BTC: variants seen among roughly 807,000 people sequenced by gnomAD.
BTC encodes the protein probetacellulin.
In BTC, 13 loss-of-function variants were observed where a neutral mutation model predicts 18.1. That is an observed-to-expected ratio of 0.72 (90% CI 0.47 to 1.14). The LOEUF (loss-of-function observed/expected upper bound fraction) is 1.14, where lower values mean the gene tolerates loss of function less well. Ranked by LOEUF, BTC falls within the 50% of genes most tolerant of loss-of-function variation. The pLI is 0.00. For missense variants in BTC, 247 were observed against 224.2 expected, an observed-to-expected ratio of 1.10 and a Z score of -0.65; for synonymous variants, 83 against 79.4, an observed-to-expected ratio of 1.05 and a Z score of -0.24.
intron 2 of BTC, among the ~76,000 whole-genome samples, chr4:74,761,763 C>T (rs1724763390): frequency 6.6e-6 from 1 of 152,200 alleles, no homozygotes; most frequent in South Asian, 2.1e-4. Context: ...AGCCCAGTAG[C>T]ATCTCAGACT....
chr4:74,762,510 A>C (rs1553957422), intron 2 of BTC, among the ~76,000 whole-genome samples: 2 of 152,308 alleles, frequency 1.3e-5, no homozygotes, highest in Non-Finnish European at 2.9e-5. Flanking sequence ...TTAAAAGTGT[A>C]CTTGTTGATG....
intron 1 of BTC, among the ~76,000 whole-genome samples, chr4:74,781,398 T>TGTGTGTGTGC (rs1553959007): frequency 1.2e-3 from 179 of 151,698 alleles, no homozygotes; most frequent in African/African-American, 3.1e-3. Context: ...TGTGTGTGTG[T>TGTGTGTGTGC]GTGTGTGTGT....
chr4:74,752,706 G>A (rs568302567), intron 3 of BTC, among the ~76,000 whole-genome samples: 1 of 152,072 alleles, frequency 6.6e-6, no homozygotes, highest in African/African-American at 2.4e-5. Context: ...GCATGTATAC[G>A]AGGGAGATTT....
chr4:74,748,203 A>G, intron 4 of BTC, 54 bp from the exon 5 acceptor site: 1 of 1,065,040 alleles, frequency 9.4e-7, no homozygotes, highest in Non-Finnish European at 1.4e-6. Flanking sequence ...ATGCGAACAC[A>G]AAATTATCCA....
intron 3 of BTC, among the ~76,000 whole-genome samples, chr4:74,752,921 G>C (rs1724503651): frequency 6.6e-6 from 1 of 152,106 alleles, no homozygotes; most frequent in African/African-American, 2.4e-5. Context: ...TGCTTTAATT[G>C]AATTTCTCAG....
At chr4:74,755,140 A>T (rs1169771527) in intron 3 of BTC, among the ~76,000 whole-genome samples, 1 of 152,186 alleles carries the variant, frequency 6.6e-6, no homozygotes, top group Non-Finnish European at 1.5e-5. Flanking sequence ...ATACTTATGG[A>T]AAGAAAACTT....
At chr4:74,767,149 C>T (rs1256317137) in intron 2 of BTC, among the ~76,000 whole-genome samples, 1 of 151,158 alleles carries the variant, frequency 6.6e-6, no homozygotes, top group Non-Finnish European at 1.5e-5. Flanking sequence ...TTGAAGATGA[C>T]ATGATCCTAT....
At chr4:74,770,253 TAAC>T in intron 1 of BTC, 97 bp from the exon 2 acceptor site, 2 of 951,070 alleles carry the variant, frequency 2.1e-6, no homozygotes, top group African/African-American at 3.3e-5. Flanking sequence ...TTTATGAAAA[TAAC>T]AAGACTATGG....
At chr4:74,766,279 C>A (rs958331719) in intron 2 of BTC, among the ~76,000 whole-genome samples, 6 of 151,818 alleles carry the variant, frequency 4.0e-5, no homozygotes, top group Non-Finnish European at 5.9e-5. Flanking sequence ...TAAAAAAATT[C>A]TTTCTTCAAT....
intron 1 of BTC, among the ~76,000 whole-genome samples, chr4:74,793,799 G>A (rs529714805): frequency 0.017 from 2,630 of 152,234 alleles, 79 homozygotes; most frequent in African/African-American, 0.061. Flanking sequence ...AAGAGTTCCC[G>A]TTCTTCTGCC....
rs58161995 is a variant in BTC at position 74,791,348 on chromosome 4, A to AAAAAAGAAAAAAG, written c.64+2913_64+2914insCTTTTTTCTTTTT. On this transcript the variant is annotated intron_variant, in intron 1 of 5. Coordinates refer to ENST00000395743, the MANE Select transcript of BTC (RefSeq NM_001729.4). ...AAGAGTGAGACTGTCTCAAAAAAAG[A>AAAAAAGAAAAAAG]AAAAAGAAAAAGAAAAAGAAAAAGA... Among the ~76,000 whole-genome samples, 499 of 151,640 alleles carry AAAAAAGAAAAAAG rather than the reference A, an allele frequency of 3.3e-3. 1 individual carries two copies. Among genetic ancestry groups the AAAAAAGAAAAAAG allele is most frequent in the African/African-American group, 0.012 (473 of 41,108 alleles).
Position 74,746,098 on chromosome 4 carries a change from C to CA in BTC, c.*578dup, listed in dbSNP as rs2109872675. ...GTTAGGTTGCACCGATTCAGACTAA[C>CA]AAAAATGATGGTTAAGAGCATAGAT... On this transcript the variant is annotated 3_prime_UTR_variant, in exon 6 of 6. Transcript: ENST00000395743. 1 of 152,262 alleles carries CA rather than the reference C, an allele frequency of 6.6e-6. No homozygotes were observed. The highest frequency in any genetic ancestry group is 2.4e-5 in the African/African-American group (1 of 41,564). 9.4% of individuals were successfully genotyped at this position (152,262 alleles called of 1,614,324 possible).
In BTC at chr4:74,753,344, C is replaced by T. The variant is rs560431137; in HGVS notation, c.281+2515G>A. Among the ~76,000 whole-genome samples, 7 of 152,166 alleles carry T rather than the reference C, an allele frequency of 4.6e-5. No homozygotes were observed. In the South Asian group the frequency reaches 1.5e-3, roughly 32 times the overall value. ...TTTGAGGTATGTGTTATCATTAACC[C>T]CATTTTATAGATGAAGAAACTGATG... On this transcript the variant is annotated intron_variant, in intron 3 of 5. Transcript: ENST00000395743.
At chr4:74,754,460 C>A (rs958815174) in intron 3 of BTC, among the ~76,000 whole-genome samples, 4 of 152,296 alleles carry the variant, frequency 2.6e-5, no homozygotes, top group Admixed American at 2.0e-4. Flanking sequence ...GGAAGGACAT[C>A]TAACTCAGAC....
At chr4:74,791,210 C>G (rs1427907490) in intron 1 of BTC, among the ~76,000 whole-genome samples, 1 of 152,050 alleles carries the variant, frequency 6.6e-6, no homozygotes, top group East Asian at 1.9e-4. Flanking sequence ...GGCGTGGTGG[C>G]GAGTGCCTGT....
chr4:74,767,720 C>G (rs1003488868), intron 2 of BTC, among the ~76,000 whole-genome samples: 1 of 151,976 alleles, frequency 6.6e-6, no homozygotes, highest in Non-Finnish European at 1.5e-5. Flanking sequence ...AATAGACAGT[C>G]GAGCAATAAA....
At chr4:74,749,272 C>T (rs1724382585) in intron 4 of BTC, among the ~76,000 whole-genome samples, 1 of 151,940 alleles carries the variant, frequency 6.6e-6, no homozygotes, top group African/African-American at 2.4e-5. Flanking sequence ...ACTACAACTA[C>T]AAAAATTAGT....
At chr4:74,758,041 C>G (rs1724649729) in intron 2 of BTC, among the ~76,000 whole-genome samples, 2 of 152,032 alleles carry the variant, frequency 1.3e-5, no homozygotes, top group Non-Finnish European at 2.9e-5. Context: ...AGAATGCTGA[C>G]CTAATCAAAG....
intron 2 of BTC, among the ~76,000 whole-genome samples, chr4:74,762,988 G>A (rs1553957463): frequency 6.6e-6 from 1 of 152,114 alleles, no homozygotes; most frequent in Non-Finnish European, 1.5e-5. Flanking sequence ...GCTACTAGGA[G>A]AAGAAGAGTA....
Sources: gnomAD v4.1 joint callset for allele counts (sites outside exome capture counted in the v4.1 genomes callset) on GRCh38, gnomAD v4.1.1 for gene constraint, MANE v1.5 for transcripts, NCBI Gene and HGNC (gene_info 2026-07-23, HGNC 2026-07-21) for gene names.